PLAA: variants seen among roughly 807,000 people sequenced by gnomAD.
PLAA encodes phospholipase A-2-activating protein.
PLAA carries 48 observed loss-of-function variants against 84.1 expected under a neutral mutation model. The observed-to-expected ratio is 0.57, with a 90% confidence interval of 0.45 to 0.73. The LOEUF (loss-of-function observed/expected upper bound fraction) is 0.73. Among genes scored for constraint, PLAA ranks in the 30% least tolerant of loss-of-function variants. PLAA has a pLI of 0.00. For missense variants in PLAA, 903 were observed against 954.7 expected (o/e 0.95, Z 0.71); for synonymous variants, 392 against 336.6 (o/e 1.16, Z -1.80).
Position 26,905,494 on chromosome 9 carries a change from G to A in PLAA, c.*17C>T, listed in dbSNP as rs373253466. On this transcript the variant is annotated 3_prime_UTR_variant, in exon 14 of 14. Transcript: ENST00000397292. ...AAACACTAATCAATTAAAAATATCC[G>A]TCCCTCTTCCCCACTGCTACAGCAA... 3.2e-5 allele frequency: 50 copies of A among 1,540,222 alleles called. No individual in the cohort carries two copies. The highest frequency in any genetic ancestry group is 9.6e-5 in the South Asian group (8 of 83,444).
chr9:26,916,194 T>A (rs1824551560), intron 10 of PLAA: 1 of 985,218 alleles, frequency 1.0e-6, no homozygotes, highest in African/African-American at 1.7e-5. Flanking sequence ...TCTCTATGAC[T>A]TAGAGAGGAC....
chr9:26,937,248 T>C (rs1219743886), intron 1 of PLAA, among the ~76,000 whole-genome samples: 4 of 151,968 alleles, frequency 2.6e-5, no homozygotes, highest in Non-Finnish European at 2.9e-5. Context: ...ACTACATATA[T>C]GGAAAAAATT....
In PLAA at chr9:26,903,384, GTATT is replaced by G. The variant is rs1372790855; in HGVS notation, c.*2123_*2126del. ...GGGTATATCCATATGATAGAATATT[GTATT>G]TATTAATGTGGAGCTCTTTGTACCA... On this transcript the variant is annotated 3_prime_UTR_variant, in exon 14 of 14. Transcript: ENST00000397292. Among the ~76,000 whole-genome samples, 2 of 152,176 alleles carry G rather than the reference GTATT, an allele frequency of 1.3e-5. No individual in the cohort carries two copies. The highest frequency in any genetic ancestry group is 2.9e-5 in the Non-Finnish European group (2 of 68,034).
chr9:26,929,378 GTAAGAGA>G (rs1207429353), intron 2 of PLAA, among the ~76,000 whole-genome samples: 2 of 139,718 alleles, frequency 1.4e-5, no homozygotes, highest in African/African-American at 5.2e-5. Flanking sequence ...TGTCGTCCCA[GTAAGAGA>G]ATTGCTTGAG....
At chr9:26,913,251 GCT>G (rs2131370514) in intron 11 of PLAA, among the ~76,000 whole-genome samples, 1 of 152,192 alleles carries the variant, frequency 6.6e-6, no homozygotes, top group South Asian at 2.1e-4. Context: ...CACAAATTTA[GCT>G]CTGTGTTTTA....
In PLAA at chr9:26,905,733, T is replaced by C. The variant is rs1485708739; in HGVS notation, c.2166A>G (p.Lys722=). Residue 722 remains lysine (K), a synonymous_variant, in exon 14 of 14, where the codon AAA becomes AAG. Coordinates refer to ENST00000397292, the MANE Select transcript of PLAA (RefSeq NM_001031689.3). ...TGCTAATTAGTGACAAACATTGGGCTTTCCCTTCAATGTTATGGTCTTTAT... is the reference window on the plus strand; with the variant it reads ...TGCTAATTAGTGACAAACATTGGGCCTTCCCTTCAATGTTATGGTCTTTAT... ...CFHKDHNIEG[K]AQCLSLISTI... 1.2e-6 allele frequency: 2 copies of C among 1,613,920 alleles called. No homozygotes were observed. The highest frequency in any genetic ancestry group is 1.7e-6 in the Non-Finnish European group (2 of 1,179,876).
chr9:26,932,423 T>C (rs961380534), intron 2 of PLAA, among the ~76,000 whole-genome samples: 2 of 152,252 alleles, frequency 1.3e-5, no homozygotes, highest in African/African-American at 2.4e-5. Context: ...GTGAAAATTA[T>C]ATGAAATTCA....
intron 11 of PLAA, among the ~76,000 whole-genome samples, chr9:26,912,724 T>C (rs1824435856): frequency 6.6e-6 from 1 of 152,164 alleles, no homozygotes; most frequent in Non-Finnish European, 1.5e-5. Flanking sequence ...AGGAAGTAGA[T>C]ATGACCTCAA....
intron 2 of PLAA, among the ~76,000 whole-genome samples, chr9:26,929,165 C>T (rs1275013742): frequency 6.6e-6 from 1 of 151,928 alleles, no homozygotes; most frequent in Admixed American, 6.6e-5. Context: ...TATACCACTG[C>T]ACTTCACGCC....
chr9:26,906,423 CTTTTTTT>C (rs35324777), intron 13 of PLAA, among the ~76,000 whole-genome samples: 41 of 95,064 alleles, frequency 4.3e-4, no homozygotes, highest in Admixed American at 1.5e-3. Context: ...AGGGAAAGTT[CTTTTTTT>C]TTTTTTTTTT....
intron 2 of PLAA, among the ~76,000 whole-genome samples, chr9:26,929,071 C>G (rs576221954): frequency 6.6e-6 from 1 of 151,956 alleles, no homozygotes; most frequent in Non-Finnish European, 1.5e-5. Flanking sequence ...TGGCGGTATG[C>G]GCCTGTGTTC....
intron 1 of PLAA, among the ~76,000 whole-genome samples, chr9:26,944,892 C>A (rs1825641441): frequency 6.6e-6 from 1 of 152,182 alleles, no homozygotes; most frequent in Non-Finnish European, 1.5e-5. Flanking sequence ...CACTGGGAGG[C>A]CAAGGTGGGC....
rs376780468 is a variant in PLAA, at chr9:26,928,293, A to G, written c.444+15T>C. The G allele has an allele frequency of 4.1e-4, 663 of 1,612,998 alleles. No homozygotes were observed. The highest frequency in any genetic ancestry group is 5.3e-4 in the Non-Finnish European group (622 of 1,179,050). On this transcript the variant is annotated intron_variant, in intron 3 of 13. Coordinates refer to ENST00000397292, the MANE Select transcript of PLAA (RefSeq NM_001031689.3). ...CTTAATTATTCTTTAGAATATTTAC[A>G]CAGAACTACTGTACCTGCAAGGTCA...
chr9:26,905,740 T>C lies in PLAA; in HGVS notation c.2159A>G (p.Glu720Gly), dbSNP rs146953824. The C allele has an allele frequency of 1.1e-5, 17 of 1,613,954 alleles. No homozygotes were observed. Among genetic ancestry groups the C allele is most frequent in the Admixed American group, 1.7e-5 (1 of 60,006 alleles). The change falls in exon 14 of 14, where the codon GAA (glutamate) becomes GGA (glycine). Residue 720 changes from glutamate (E) to glycine (G), a missense_variant. Transcript: ENST00000397292. The part of the protein sequence containing the change: ...SVCFHKDHNI[E>G]GKAQCLSLIS... Reference sequence around the variant, plus strand: ...TAGTGACAAACATTGGGCTTTCCCTTCAATGTTATGGTCTTTATGAAAACA... The same window carrying C: ...TAGTGACAAACATTGGGCTTTCCCTCCAATGTTATGGTCTTTATGAAAACA...
chr9:26,928,057 T>C (rs775850111), intron 4 of PLAA, 43 bp downstream of exon 4: 4 of 1,558,690 alleles, frequency 2.6e-6, no homozygotes, highest in Non-Finnish European at 3.5e-6. Context: ...TCTGAGCAAA[T>C]AAAAAGCAAT....
At chr9:26,943,342 C>T (rs1825598214) in intron 1 of PLAA, among the ~76,000 whole-genome samples, 1 of 152,150 alleles carries the variant, frequency 6.6e-6, no homozygotes, top group Non-Finnish European at 1.5e-5. Context: ...TAAAACAGAA[C>T]TATTTCTGCC....
chr9:26,925,884 T>C lies in PLAA; in HGVS notation c.810A>G (p.Pro270=). The C allele has an allele frequency of 6.2e-7, 1 of 1,613,946 alleles. No homozygotes were observed. The highest frequency in any genetic ancestry group is 8.5e-7 in the Non-Finnish European group (1 of 1,179,820). ...HGECAQTIRL[P]AQSIWCCCVL... is the part of the protein sequence containing the mutation. ...CACAGCAGCACCATATAGACTGAGC[T>C]GGAAGTCGGATAGTTTGAGCACATT... Residue 270 remains proline, a synonymous_variant, in exon 6 of 14, where the codon CCA becomes CCG. Coordinates refer to ENST00000397292, the MANE Select transcript of PLAA (RefSeq NM_001031689.3).
intron 1 of PLAA, among the ~76,000 whole-genome samples, chr9:26,940,633 A>G (rs991433197): frequency 6.6e-6 from 1 of 152,244 alleles, no homozygotes; most frequent in Non-Finnish European, 1.5e-5. Flanking sequence ...TAAAATGGTT[A>G]AGATGGCAAA....
At chr9:26,914,579 C>CA (rs1824493060) in intron 10 of PLAA, among the ~76,000 whole-genome samples, 7 of 131,158 alleles carry the variant, frequency 5.3e-5, no homozygotes, top group African/African-American at 1.9e-4. Context: ...AAAAGCAAAA[C>CA]CAAAAAAAAA....
Sources: gnomAD v4.1 joint callset for allele counts (sites outside exome capture counted in the v4.1 genomes callset) on GRCh38, gnomAD v4.1.1 for gene constraint, MANE v1.5 for transcripts, NCBI Gene and HGNC (gene_info 2026-07-23, HGNC 2026-07-21) for gene names.